Variants in POGZ observed in about 807,000 individuals in gnomAD.
POGZ encodes the protein pogo transposable element with ZNF domain.
A neutral mutation model predicts 134.6 loss-of-function variants in POGZ; 17 were observed. The observed-to-expected ratio is 0.13, with a 90% CI of 0.09 to 0.19. The LOEUF (loss-of-function observed/expected upper bound fraction) is 0.19, where lower values mean the gene tolerates loss of function less well. Ranked by LOEUF, POGZ falls within the 10% of genes least tolerant of loss-of-function variation. The pLI is 1.00. For missense variants in POGZ, 1,306 were observed against 1,769.7 expected, an observed-to-expected ratio of 0.74 and a Z score of 4.70; for synonymous variants, 693 against 657.1, an observed-to-expected ratio of 1.05 and a Z score of -0.84.
rs1284393957 is a variant in POGZ at position 151,438,316 on chromosome 1, A to G, written c.283+2612T>C. On this transcript the variant is annotated intron_variant, in intron 3 of 18. Coordinates refer to ENST00000271715, the MANE Select transcript of POGZ (RefSeq NM_015100.4). Reference sequence around the variant, plus strand: ...AAAGTAAAATAAATTAGACAACTGCAATTAATTTATGCTTATCTATGGATG... The same window carrying G: ...AAAGTAAAATAAATTAGACAACTGCGATTAATTTATGCTTATCTATGGATG... Among the ~76,000 whole-genome samples, 7 of 152,262 alleles carry G rather than the reference A, an allele frequency of 4.6e-5. No homozygotes were observed. In the South Asian group the frequency reaches 8.3e-4, roughly 18 times the overall value.
chr1:151,424,303 C>A lies in POGZ; in HGVS notation c.1186-17G>T. 1 of 1,448,570 alleles carries A rather than the reference C, an allele frequency of 6.9e-7. No individual in the cohort carries two copies. Among genetic ancestry groups the A allele is most frequent in the Non-Finnish European group, 9.4e-7 (1 of 1,060,022 alleles). 89.7% of individuals were successfully genotyped at this position (1,448,570 alleles called of 1,614,324 possible). ...GCAACAGTACTATAAAGAAAGACAT[C>A]TGATCATTCTGGTTATCCTGGGGGC... On this transcript the variant is annotated splice_polypyrimidine_tract_variant and intron_variant, in intron 8 of 18. Coordinates refer to ENST00000271715, the MANE Select transcript of POGZ (RefSeq NM_015100.4).
intron 16 of POGZ, 45 bp from the exon 17 acceptor site, chr1:151,407,068 C>T: frequency 6.9e-7 from 1 of 1,448,950 alleles, no homozygotes; most frequent in Non-Finnish European, 9.7e-7. Flanking sequence ...ACAGCAGTGA[C>T]ACTTGAGACC....
Position 151,428,291 on chromosome 1 carries a change from T to C in POGZ, c.691A>G (p.Ile231Val). ...RPTTNTFTTV[I>V]PATLTIRSTV... is the part of the protein sequence containing the mutation. ...CTTCGAATGGTAAGAGTGGCCGGGATGACGGTGGTGAAGGTGTTGGTGGTG... is the reference window on the plus strand; with the variant it reads ...CTTCGAATGGTAAGAGTGGCCGGGACGACGGTGGTGAAGGTGTTGGTGGTG... Residue 231 changes from isoleucine to valine, a missense_variant, in exon 6 of 19, where the codon ATC becomes GTC. Ile to Val is a conservative substitution (Grantham distance 29). Around this residue, in one of 10 missense-constraint regions of POGZ, gnomAD observed 541 missense variants for 680.5 expected, o/e 0.80. Coordinates refer to ENST00000271715, the MANE Select transcript of POGZ (RefSeq NM_015100.4). 1 of 1,614,134 alleles carries C rather than the reference T, an allele frequency of 6.2e-7. No individual in the cohort carries two copies. The highest frequency in any genetic ancestry group is 8.5e-7 in the Non-Finnish European group (1 of 1,180,016).
chr1:151,416,032 G>A (rs577793843), intron 10 of POGZ, among the ~76,000 whole-genome samples: 1 of 151,196 alleles, frequency 6.6e-6, no homozygotes, highest in Non-Finnish European at 1.5e-5. Context: ...TGGCCAACAT[G>A]GCGAAACCCC....
Position 151,423,670 on chromosome 1 carries a change from T to C in POGZ, c.1524-119A>G. 6.3e-6 allele frequency: 5 copies of C among 798,000 alleles called. No homozygotes were observed. In the South Asian group the frequency reaches 9.3e-5, roughly 15 times the overall value. 49.4% of individuals were successfully genotyped at this position (798,000 alleles called of 1,614,324 possible). On this transcript the variant is annotated intron_variant, in intron 9 of 18. Transcript: ENST00000271715. ...GCTCCCCTCCATTCCCCAGACTTCC[T>C]GTTTGGGATATCCTTTTCTGAGCCC...
chr1:151,430,748 A>G lies in POGZ; in HGVS notation c.377T>C (p.Leu126Ser). 6 of 1,606,950 alleles carry G rather than the reference A, an allele frequency of 3.7e-6. No homozygotes were observed. Among genetic ancestry groups the G allele is most frequent in the Non-Finnish European group, 5.1e-6 (6 of 1,177,078 alleles). ...GLGTMVTQPV[L>S]RPVQVMQNAN... ...ATTCTGCATGACCTGAACAGGCCTC[A>G]ATACTGGTTGAGTAACCATTGTGCC... Residue 126 changes from leucine to serine, a missense_variant, in exon 4 of 19, where the codon TTG becomes TCG. Physicochemically the swap from Leu to Ser is moderately radical, Grantham distance 145. Transcript: ENST00000271715.
At chr1:151,448,369 C>T (rs369363930) in intron 1 of POGZ, among the ~76,000 whole-genome samples, 1 of 151,960 alleles carries the variant, frequency 6.6e-6, no homozygotes, top group Non-Finnish European at 1.5e-5. Flanking sequence ...CCTAGCACTT[C>T]GGGAGGCTGA....
At position 151,408,086 on chromosome 1, in the gene POGZ, A is replaced by G; in HGVS notation, c.2375+14T>C. On this transcript the variant is annotated intron_variant, in intron 15 of 18. Coordinates refer to ENST00000271715, the MANE Select transcript of POGZ (RefSeq NM_015100.4). ...GAACTCTCAAGCTAAAACACTGGTT[A>G]AAAACCAACTTACTTGATCATGTGG... is the stretch of plus-strand genomic sequence containing the variant. 1.2e-6 allele frequency: 2 copies of G among 1,600,592 alleles called. No individual in the cohort carries two copies. Among genetic ancestry groups the G allele is most frequent in the Non-Finnish European group, 8.5e-7 (1 of 1,175,070 alleles).
intron 3 of POGZ, among the ~76,000 whole-genome samples, chr1:151,436,381 C>T (rs1436915096): frequency 6.6e-6 from 1 of 152,180 alleles, no homozygotes; most frequent in Non-Finnish European, 1.5e-5. Flanking sequence ...GTGGACTTGC[C>T]TATTCAAGAC....
rs1016900637 is a variant in POGZ, at chr1:151,419,692, A to C, written c.1678+3705T>G. On this transcript the variant is annotated intron_variant, in intron 10 of 18. Transcript: ENST00000271715. ...TCAAAAAAAAAAAAAAAAAAAAAAA[A>C]AAACTACTTTCATGCCAGATCTGTC... Among the ~76,000 whole-genome samples, 27 of 149,648 alleles carry C rather than the reference A, an allele frequency of 1.8e-4. No individual in the cohort carries two copies. In the East Asian group the frequency reaches 3.5e-3, roughly 19 times the overall value.
rs1019505261 is a variant in POGZ at position 151,408,674 on chromosome 1, G to C, written c.2061+20C>G. Reference sequence around the variant, plus strand: ...TTCCTCCCTCCCTGGGCCTATAAAAGACACTGGCAAACTCTTTACCTTGGT... The same window carrying C: ...TTCCTCCCTCCCTGGGCCTATAAAACACACTGGCAAACTCTTTACCTTGGT... On this transcript the variant is annotated intron_variant, in intron 13 of 18. Coordinates refer to ENST00000271715, the MANE Select transcript of POGZ (RefSeq NM_015100.4). The C allele has an allele frequency of 6.2e-7, 1 of 1,611,060 alleles. No homozygotes were observed.
Position 151,411,668 on chromosome 1 carries a change from A to C in POGZ, c.1883T>G (p.Phe628Cys). 1 of 1,613,210 alleles carries C rather than the reference A, an allele frequency of 6.2e-7. No individual in the cohort carries two copies. ...CTGTTGGAATGCATTGCCATTTTTG[A>C]AGACCTTCAGGCAATAAGGGCAGAG... ...HLLCPYCLKV[F>C]KNGNAFQQHY... is the part of the protein sequence containing the mutation. The change falls in exon 12 of 19, where the codon TTC becomes TGC. Residue 628 changes from phenylalanine to cysteine, a missense_variant. Around this residue, in one of 10 missense-constraint regions of POGZ, gnomAD observed 149 missense variants for 237.5 expected, o/e 0.63. Coordinates refer to ENST00000271715, the MANE Select transcript of POGZ (RefSeq NM_015100.4).
chr1:151,414,580 C>G (rs1655290735), intron 10 of POGZ, among the ~76,000 whole-genome samples: 2 of 152,278 alleles, frequency 1.3e-5, no homozygotes, highest in South Asian at 4.1e-4. Context: ...GTTGGGAGTT[C>G]AAGACAAGCC....
rs1654133324 is a variant in POGZ, at chr1:151,408,840, G to A, written c.1927-12C>T. On this transcript the variant is annotated splice_polypyrimidine_tract_variant and intron_variant, in intron 12 of 18. Transcript: ENST00000271715. ...TAAACATTTCTCTTCTGAAGTGGGGGAGGGAAAAAAAGAGACAAAATCCCT... is the reference window on the plus strand; with the variant it reads ...TAAACATTTCTCTTCTGAAGTGGGGAAGGGAAAAAAAGAGACAAAATCCCT... 2 of 1,534,714 alleles carry A rather than the reference G, an allele frequency of 1.3e-6. No individual in the cohort carries two copies. The highest frequency in any genetic ancestry group is 1.9e-5 in the Admixed American group (1 of 52,212).
intron 12 of POGZ, 140 bp downstream of exon 12, chr1:151,411,485 G>A: frequency 1.7e-6 from 1 of 591,954 alleles, no homozygotes; most frequent in South Asian, 2.3e-5. Flanking sequence ...GGCACATTAA[G>A]TGAATTCAAT....
intron 1 of POGZ, among the ~76,000 whole-genome samples, chr1:151,451,894 C>T (rs28681298): frequency 0.13 from 19,460 of 151,226 alleles, 1,767 homozygotes; most frequent in Middle Eastern, 0.21. Context: ...ATCAGGAGTT[C>T]GAGACCAGCC....
chr1:151,446,034 A>AC (rs1661203912), intron 1 of POGZ, among the ~76,000 whole-genome samples: 1 of 142,632 alleles, frequency 7.0e-6, no homozygotes. Flanking sequence ...TCCATGGCAT[A>AC]CCGTCTTTCA....
intron 1 of POGZ, among the ~76,000 whole-genome samples, chr1:151,455,595 A>G (rs559732616): frequency 6.6e-6 from 1 of 152,348 alleles, no homozygotes; most frequent in South Asian, 2.1e-4. Context: ...AGTATTTATC[A>G]ATGTATTTTA....
At chr1:151,452,821 G>C (rs1662295286) in intron 1 of POGZ, among the ~76,000 whole-genome samples, 1 of 150,842 alleles carries the variant, frequency 6.6e-6, no homozygotes, top group African/African-American at 2.4e-5. Context: ...CCAAGATTGT[G>C]CCACTGCACT....
Sources: gnomAD v4.1 joint callset for allele counts (sites outside exome capture counted in the v4.1 genomes callset) on GRCh38, gnomAD v4.1.1 for gene constraint, gnomAD v4.1.1 regional missense constraint, MANE v1.5 for transcripts, NCBI Gene and HGNC (gene_info 2026-07-23, HGNC 2026-07-21) for gene names.